PES1: variants seen among roughly 807,000 people sequenced by gnomAD.
PES1 encodes the protein pescadillo homolog.
Under a neutral mutation model 77.1 loss-of-function variants are expected in PES1, and 31 were observed. The observed-to-expected ratio is 0.40, with a 90% confidence interval of 0.30 to 0.54. The LOEUF (loss-of-function observed/expected upper bound fraction) is 0.54. Among genes scored for constraint, PES1 ranks in the 20% least tolerant of loss-of-function variants. The pLI is 0.45. For missense variants in PES1, 658 were observed against 771.7 expected (o/e 0.85, Z 1.75); for synonymous variants, 282 against 303.0 (o/e 0.93, Z 0.72).
Position 30,580,151 on chromosome 22 carries a change from G to A in PES1, c.1071C>T (p.Asp357=). 1.2e-6 allele frequency: 2 copies of A among 1,613,854 alleles called. No homozygotes were observed. Among genetic ancestry groups the A allele is most frequent in the Non-Finnish European group, 1.7e-6 (2 of 1,179,886 alleles). Residue 357 remains aspartate (D), a synonymous_variant, in exon 11 of 15, where the codon GAC becomes GAT. Coordinates refer to ENST00000354694, the MANE Select transcript of PES1 (RefSeq NM_014303.4). Reference sequence around the variant, plus strand: ...AGGTGGCCCCAATGCACAAAGATTTGTCCCAGGACACTTCCCCACCAAAAC... The same window carrying A: ...AGGTGGCCCCAATGCACAAAGATTTATCCCAGGACACTTCCCCACCAAAAC... ...IRSFGGEVSW[D]KSLCIGATYD...
At chr22:30,591,671 C>T (rs972126712) in intron 1 of PES1, 139 bp downstream of exon 1, 2 of 897,894 alleles carry the variant, frequency 2.2e-6, no homozygotes, top group Middle Eastern at 2.2e-4. Context: ...TTCTCGGACC[C>T]CTTCTCGCAG....
chr22:30,601,377 C>A (rs772683075), intron 2 of PES1, among the ~76,000 whole-genome samples: 60 of 151,882 alleles, frequency 4.0e-4, no homozygotes, highest in Non-Finnish European at 6.6e-4. Flanking sequence ...TGCAGTGGTG[C>A]GATCTCAGCT....
intron 2 of PES1, chr22:30,598,314 C>G (rs767905494): frequency 6.6e-6 from 1 of 152,286 alleles, no homozygotes; most frequent in Non-Finnish European, 1.5e-5. Flanking sequence ...GACATGCCGT[C>G]TTTAAGAACT....
intron 2 of PES1, among the ~76,000 whole-genome samples, chr22:30,603,113 G>A (rs911459840): frequency 7.2e-5 from 11 of 152,038 alleles, no homozygotes; most frequent in African/African-American, 2.4e-4. Flanking sequence ...GTTTCGCCAC[G>A]TTGGTCAGGC....
At position 30,579,212 on chromosome 22, in the gene PES1, TTCCTCC is replaced by T; in HGVS notation, c.1440_1445del (p.Glu481_Glu482del). Reference sequence around the variant, plus strand: ...CCTTTTCTGAACCAGCCTCTGCATCTTCCTCCTCCTCCTCATTTTCTCCCTCTTCAT... The same window carrying T: ...CCTTTTCTGAACCAGCCTCTGCATCTTCCTCCTCATTTTCTCCCTCTTCAT... On this transcript the variant is annotated inframe_deletion, in exon 13 of 15. Coordinates refer to ENST00000354694, the MANE Select transcript of PES1 (RefSeq NM_014303.4). 6.2e-7 allele frequency: 1 copy of T among 1,606,574 alleles called. No homozygotes were observed. The highest frequency in any genetic ancestry group is 1.3e-5 in the African/African-American group (1 of 74,996).
chr22:30,602,476 C>A (rs954224153), intron 2 of PES1, among the ~76,000 whole-genome samples: 2 of 150,354 alleles, frequency 1.3e-5, no homozygotes, highest in Non-Finnish European at 2.9e-5. Context: ...CCCGCCTTGG[C>A]CTCCCAACGT....
In PES1 at chr22:30,577,188, A is replaced by G. The variant is rs532538491; in HGVS notation, c.1684-59T>C. Reference sequence around the variant, plus strand: ...ATGTGTAGAAGGGAGGGTGGGGGGCACAGAACTCAAAGCTATATCCCTTAA... The same window carrying G: ...ATGTGTAGAAGGGAGGGTGGGGGGCGCAGAACTCAAAGCTATATCCCTTAA... On this transcript the variant is annotated intron_variant, in intron 14 of 14. Transcript: ENST00000354694. 116 of 1,391,470 alleles carry G rather than the reference A, an allele frequency of 8.3e-5. No homozygotes were observed. The African/African-American group carries it at 1.4e-3, about 17-fold the overall frequency. The allele number at this position is 1,391,470 out of a possible 1,614,324, so 86.2% of individuals were successfully genotyped here.
rs189782874 is a variant in PES1 at position 30,585,524 on chromosome 22, G to A, written c.369-807C>T. ...GAAACACCTTGAGCCCAAGCGGACA[G>A]ACAGAGCTTCAAGCCTCTCTCCCGC... On this transcript the variant is annotated intron_variant, in intron 4 of 14. Transcript: ENST00000354694. 1.4e-4 allele frequency among the ~76,000 whole-genome samples: 22 copies of A among 152,232 alleles called. No homozygotes were observed. In the East Asian group the frequency reaches 3.9e-3, roughly 27 times the overall value.
chr22:30,599,979 ATATT>A (rs1326973635), intron 2 of PES1, among the ~76,000 whole-genome samples: 1 of 152,216 alleles, frequency 6.6e-6, no homozygotes, highest in Non-Finnish European at 1.5e-5. Context: ...GTAATTTAAA[ATATT>A]TATGTTAAAT....
chr22:30,584,708 C>T lies in PES1; in HGVS notation c.378G>A (p.Thr126=), dbSNP rs150264778. 1.9e-5 allele frequency: 31 copies of T among 1,613,580 alleles called. No homozygotes were observed. The African/African-American group carries it at 2.8e-4, about 15-fold the overall frequency. Residue 126 remains threonine, a synonymous_variant, in exon 5 of 15, where the codon ACG becomes ACA. Coordinates refer to ENST00000354694, the MANE Select transcript of PES1 (RefSeq NM_014303.4). The part of the protein sequence containing the change: ...LDHIIKERYP[T]FIDALRDLDD... The stretch of plus-strand genomic sequence containing the variant: ...CCAGGTCCCGCAGGGCATCGATGAA[C>T]GTGGGATACCTGCATGGCCAGTGAG...
At chr22:30,584,018 G>C (rs2087027019) in intron 6 of PES1, among the ~76,000 whole-genome samples, 1 of 152,262 alleles carries the variant, frequency 6.6e-6, no homozygotes, top group Non-Finnish European at 1.5e-5. Flanking sequence ...ATGGTGCTGG[G>C]CATGCAGGCT....
chr22:30,606,228 TTTTTA>T (rs1198090664), intron 1 of PES1, among the ~76,000 whole-genome samples: 1 of 152,068 alleles, frequency 6.6e-6, no homozygotes, highest in African/African-American at 2.4e-5. Flanking sequence ...AATCTCATTC[TTTTTA>T]TTTTATTTTA....
rs747963784 is a variant in PES1, at chr22:30,588,091, G to A, written c.188C>T (p.Thr63Met). The change falls in exon 3 of 15, where the codon ACG (threonine) becomes ATG (methionine). Residue 63 changes from threonine to methionine, a missense_variant. By Grantham distance (81) the Thr-to-Met change is moderately conservative (BLOSUM62 -1). Coordinates refer to ENST00000354694, the MANE Select transcript of PES1 (RefSeq NM_014303.4). ...CCTGATGTCTTTGATAAGGTAAAAC[G>A]TTCGGGCTGCTGTAGAACCCTTGTT... ...KVNKGSTAAR[T>M]FYLIKDIRFL... 6.2e-6 allele frequency: 10 copies of A among 1,614,158 alleles called. No individual in the cohort carries two copies. The highest frequency in any genetic ancestry group is 2.7e-5 in the African/African-American group (2 of 75,034).
At chr22:30,597,880 T>TG (rs1569031069) in intron 2 of PES1, among the ~76,000 whole-genome samples, 6 of 34,408 alleles carry the variant, frequency 1.7e-4, no homozygotes, top group South Asian at 6.1e-4. Flanking sequence ...AGTTGAAGTT[T>TG]TGTTTTTTTT....
intron 4 of PES1, chr22:30,585,137 G>A (rs1050593085): frequency 9.8e-6 from 4 of 407,886 alleles, no homozygotes; most frequent in Non-Finnish European, 1.5e-5. Flanking sequence ...GGAGCAGGGA[G>A]CGGGGTGGGG....
intron 2 of PES1, among the ~76,000 whole-genome samples, chr22:30,601,178 A>G (rs1423403643): frequency 2.6e-5 from 4 of 152,226 alleles, no homozygotes; most frequent in East Asian, 1.9e-4. Flanking sequence ...GAGGGGAATT[A>G]GACTCATCTC....
chr22:30,592,458 CTT>C, upstream of PES1: 1 of 955,512 alleles, frequency 1.0e-6, no homozygotes, highest in Non-Finnish European at 1.2e-6. Flanking sequence ...CTAGAGGCCA[CTT>C]ATATTTTCTG....
At chr22:30,591,410 T>C (rs1319484140) in intron 1 of PES1, among the ~76,000 whole-genome samples, 1 of 152,196 alleles carries the variant, frequency 6.6e-6, no homozygotes, top group African/African-American at 2.4e-5. Context: ...ATCTTTCCCA[T>C]TTCAGCCGAA....
intron 4 of PES1, chr22:30,585,145 G>A (rs537205347): frequency 4.8e-6 from 2 of 414,500 alleles, no homozygotes; most frequent in South Asian, 1.8e-5. Context: ...GAGCGGGGTG[G>A]GGGCTGCTTC....
Sources: gnomAD v4.1 joint callset for allele counts (sites outside exome capture counted in the v4.1 genomes callset) on GRCh38, gnomAD v4.1.1 for gene constraint, MANE v1.5 for transcripts, NCBI Gene and HGNC (gene_info 2026-07-23, HGNC 2026-07-21) for gene names.